The following HSD17B14 variants were observed in gnomAD, a reference collection of about 807,000 sequenced individuals.
The protein encoded by HSD17B14 is hydroxysteroid 17-beta dehydrogenase 14, also known as L-fucose dehydrogenase.
In HSD17B14, 32 loss-of-function variants were observed where a neutral mutation model predicts 32.2. That is an observed-to-expected ratio of 0.99 (90% CI 0.75 to 1.33). The LOEUF is 1.33. Ranked by LOEUF, HSD17B14 falls within the 40% of genes most tolerant of loss-of-function variation. The probability of loss-of-function intolerance (pLI) is 0.00; values close to 1 mark genes in which losing one functional copy is unlikely to be tolerated. For missense variants in HSD17B14, 370 were observed against 366.5 expected (o/e 1.01, Z -0.08); for synonymous variants, 140 against 155.4 (o/e 0.90, Z 0.74).
intron 5 of HSD17B14, among the ~76,000 whole-genome samples, chr19:48,827,020 T>C (rs1392289921): frequency 1.3e-5 from 2 of 149,892 alleles, no homozygotes; most frequent in Non-Finnish European, 3.0e-5. Context: ...TTGCTGGAGG[T>C]GGGGAGAACA....
At chr19:48,813,635 G>A (rs1277066279) in intron 7 of HSD17B14, 28 bp downstream of exon 7, 2 of 1,613,786 alleles carry the variant, frequency 1.2e-6, no homozygotes, top group Non-Finnish European at 1.7e-6. Context: ...CCCCCCAGGA[G>A]GCTCTCCGCC....
chr19:48,818,351 C>G (rs1053254682), intron 5 of HSD17B14, among the ~76,000 whole-genome samples: 1 of 151,088 alleles, frequency 6.6e-6, no homozygotes, highest in African/African-American at 2.4e-5. Context: ...AAACCATGCT[C>G]TAATATGAAC....
Position 48,836,431 on chromosome 19 carries a change from C to G in HSD17B14, c.-20G>C, listed in dbSNP as rs368920224. The stretch of plus-strand genomic sequence containing the variant: ...AGCCATCCCGTGTACGTCGGTCTCT[C>G]TCTCTCTCTACTCTGGGCCTCTTTC... On this transcript the variant is annotated 5_prime_UTR_variant, in exon 1 of 9. Coordinates refer to ENST00000263278, the MANE Select transcript of HSD17B14 (RefSeq NM_016246.3). The G allele has an allele frequency of 1.2e-6, 2 of 1,611,886 alleles. No homozygotes were observed. Among genetic ancestry groups the G allele is most frequent in the African/African-American group, 2.7e-5 (2 of 74,886 alleles).
At chr19:48,831,640 GC>G in intron 5 of HSD17B14, 27 bp downstream of exon 5, 1 of 1,535,780 alleles carries the variant, frequency 6.5e-7, no homozygotes, top group Non-Finnish European at 9.0e-7. Flanking sequence ...GGCTGCTCGG[GC>G]CTGGCGGCAG....
rs1599830484 is a variant in HSD17B14, at chr19:48,820,639, C to T, written c.370-5498G>A. On this transcript the variant is annotated intron_variant, in intron 5 of 8. Transcript: ENST00000263278. ...CTCCGCCTCCCAGGTTCAAGCAATT[C>T]TCCTGCCTCAGCCTCCCGAGTAGCT... Among the ~76,000 whole-genome samples the T allele has an allele frequency of 2.0e-5, 3 of 150,306 alleles. No homozygotes were observed. In the South Asian group the frequency reaches 6.3e-4, roughly 32 times the overall value.
At chr19:48,836,032 AC>A (rs961058351) in intron 1 of HSD17B14, among the ~76,000 whole-genome samples, 189 bp from the exon 2 acceptor site, 1 of 151,322 alleles carries the variant, frequency 6.6e-6, no homozygotes, top group African/African-American at 2.4e-5. Flanking sequence ...AGGCTCCTGA[AC>A]CCCCGTTCGT....
chr19:48,815,194 C>G, intron 5 of HSD17B14, 53 bp from the exon 6 acceptor site: 1 of 1,339,536 alleles, frequency 7.5e-7, no homozygotes. Flanking sequence ...CTTCGCAGAC[C>G]ACTGAAACAC....
intron 1 of HSD17B14, among the ~76,000 whole-genome samples, chr19:48,836,085 A>G (rs1219970597): frequency 6.6e-6 from 1 of 152,016 alleles, no homozygotes; most frequent in Non-Finnish European, 1.5e-5. Flanking sequence ...GCCATTCCTC[A>G]AACCACTGGT....
At chr19:48,834,891 C>G (rs1246876925) in intron 2 of HSD17B14, among the ~76,000 whole-genome samples, 16 of 43,610 alleles carry the variant, frequency 3.7e-4, no homozygotes, top group Non-Finnish European at 4.8e-4. Context: ...GGAAGTAGGG[C>G]CTGGGGGCCT....
chr19:48,825,125 C>T (rs2122772220), intron 5 of HSD17B14, among the ~76,000 whole-genome samples: 1 of 150,928 alleles, frequency 6.6e-6, no homozygotes, highest in African/African-American at 2.4e-5. Flanking sequence ...GTAGTCCCAG[C>T]TATTTGGGAG....
intron 5 of HSD17B14, among the ~76,000 whole-genome samples, chr19:48,821,712 T>C (rs539558331): frequency 7.9e-5 from 12 of 152,134 alleles, no homozygotes; most frequent in Admixed American, 7.2e-4. Flanking sequence ...ATGATGGTGA[T>C]GGTGAGTATG....
intron 5 of HSD17B14, 32 bp downstream of exon 5, chr19:48,831,636 T>G: frequency 6.7e-7 from 1 of 1,495,118 alleles, no homozygotes; most frequent in South Asian, 1.1e-5. Context: ...AGGAGGCTGC[T>G]CGGGCCTGGC....
chr19:48,813,778 G>T (rs1315512131), intron 6 of HSD17B14, 48 bp from the exon 7 acceptor site: 1 of 1,603,614 alleles, frequency 6.2e-7, no homozygotes, highest in Non-Finnish European at 8.5e-7. Context: ...GGGACATGGG[G>T]TCCCTGCCAT....
intron 5 of HSD17B14, among the ~76,000 whole-genome samples, chr19:48,824,970 C>T (rs1045288245): frequency 6.6e-5 from 10 of 151,472 alleles, no homozygotes; most frequent in Non-Finnish European, 8.8e-5. Context: ...GGGCTGGGTG[C>T]GGTGGCTCAC....
At chr19:48,822,197 T>C (rs1005544248) in intron 5 of HSD17B14, among the ~76,000 whole-genome samples, 1 of 150,876 alleles carries the variant, frequency 6.6e-6, no homozygotes, top group Non-Finnish European at 1.5e-5. Flanking sequence ...ATGATGGTGA[T>C]GATGATGATG....
chr19:48,830,702 T>G (rs1220471913), intron 5 of HSD17B14, among the ~76,000 whole-genome samples: 2 of 152,066 alleles, frequency 1.3e-5, no homozygotes, highest in Admixed American at 1.3e-4. Flanking sequence ...CCGTATTTTT[T>G]GTAGAGACGA....
At chr19:48,827,390 G>A (rs2035268194) in intron 5 of HSD17B14, among the ~76,000 whole-genome samples, 1 of 152,008 alleles carries the variant, frequency 6.6e-6, no homozygotes, top group Non-Finnish European at 1.5e-5. Context: ...TATGCGCAGG[G>A]CTCCGCATGT....
Position 48,813,643 on chromosome 19 carries a change from G to A in HSD17B14, c.542+20C>T, listed in dbSNP as rs774691125. 33 of 1,613,928 alleles carry A rather than the reference G, an allele frequency of 2.0e-5. No homozygotes were observed. The highest frequency in any genetic ancestry group is 6.7e-5 in the East Asian group (3 of 44,898). On this transcript the variant is annotated intron_variant, in intron 7 of 8. Transcript: ENST00000263278. ...CCCCAGTCCCCCCAGGAGGCTCTCC[G>A]CCTGCTCAGAGCAGCTCACCAGTTG...
chr19:48,813,611 C>T, intron 7 of HSD17B14, 52 bp downstream of exon 7: 1 of 1,611,918 alleles, frequency 6.2e-7, no homozygotes, highest in Admixed American at 1.7e-5. Context: ...GGGATCACTC[C>T]CAGTCACCCC....
Sources: allele counts gnomAD v4.1 joint callset (sites outside exome capture counted in the v4.1 genomes callset), GRCh38; gene constraint gnomAD v4.1.1; transcripts MANE v1.5; gene names NCBI Gene and HGNC (gene_info 2026-07-23, HGNC 2026-07-21).